TRPC5: variants seen among roughly 807,000 people sequenced by gnomAD.
The protein encoded by TRPC5 is short transient receptor potential channel 5.
In TRPC5, 9 loss-of-function variants were observed where a neutral mutation model predicts 56.5. That is an observed-to-expected ratio of 0.16 (90% confidence interval 0.10 to 0.28). The LOEUF is 0.28. TRPC5 is among the 10% of genes least tolerant of loss of function. The pLI is 1.00. For missense variants in TRPC5, 469 were observed against 748.9 expected, an observed-to-expected ratio of 0.63 and a Z score of 4.36; for synonymous variants, 282 against 278.5, an observed-to-expected ratio of 1.01 and a Z score of -0.13.
At chrX:112,023,254 T>G (rs940205441) in intron 1 of TRPC5, among the ~76,000 whole-genome samples, 4 of 84,286 alleles carry the variant, frequency 4.7e-5, no homozygotes, top group African/African-American at 1.0e-4. Context: ...TTGTTTTTTT[T>G]TTTTTTTTTT....
intron 3 of TRPC5, among the ~76,000 whole-genome samples, chrX:111,873,312 A>G (rs770889923): frequency 9.0e-6 from 1 of 111,624 alleles, no homozygotes; most frequent in African/African-American, 3.3e-5. Context: ...ATACACATTA[A>G]TGTAAAGATG....
intron 2 of TRPC5, among the ~76,000 whole-genome samples, chrX:111,928,546 A>G (rs1196231751): frequency 1.8e-5 from 2 of 111,997 alleles, no homozygotes; most frequent in Non-Finnish European, 3.8e-5. Context: ...TGCATTGTCA[A>G]TAGTGCAGTC....
chrX:111,874,631 A>G (rs1416047182), intron 3 of TRPC5, among the ~76,000 whole-genome samples: 1 of 111,872 alleles, frequency 8.9e-6, no homozygotes, highest in East Asian at 2.8e-4. Flanking sequence ...CTACCGCTGA[A>G]GAAACTGAGA....
chrX:111,886,694 G>T (rs1002193234), intron 3 of TRPC5, among the ~76,000 whole-genome samples: 7 of 111,892 alleles, frequency 6.3e-5, no homozygotes, highest in African/African-American at 2.3e-4. Flanking sequence ...GGAGGCCAAA[G>T]AAAGAGATCA....
At chrX:111,963,790 A>G (rs1927468609) in intron 1 of TRPC5, among the ~76,000 whole-genome samples, 1 of 112,080 alleles carries the variant, frequency 8.9e-6, no homozygotes, top group East Asian at 2.8e-4. Flanking sequence ...AAACTAACAA[A>G]CAGAAAGGAC....
chrX:111,789,904 A>G (rs1196358306), intron 7 of TRPC5, among the ~76,000 whole-genome samples: 2 of 112,242 alleles, frequency 1.8e-5, no homozygotes, highest in South Asian at 7.4e-4. Context: ...AAAAGTCAGG[A>G]AACAGTAGAT....
intron 1 of TRPC5, among the ~76,000 whole-genome samples, chrX:112,055,250 A>C (rs1384242227): frequency 8.9e-6 from 1 of 112,296 alleles, no homozygotes; most frequent in Admixed American, 9.5e-5. Context: ...GAAATGGCAG[A>C]GCTAATGCCA....
chrX:112,024,978 A>G (rs1447341465), intron 1 of TRPC5, among the ~76,000 whole-genome samples: 1 of 112,439 alleles, frequency 8.9e-6, no homozygotes, highest in East Asian at 2.8e-4. Flanking sequence ...CTAGTATGCA[A>G]TAATATCAAC....
At chrX:112,040,894 T>A (rs1310159356) in intron 1 of TRPC5, among the ~76,000 whole-genome samples, 1 of 112,217 alleles carries the variant, frequency 8.9e-6, no homozygotes, top group African/African-American at 3.2e-5. Flanking sequence ...GATAGAAGAA[T>A]GGAGCAGTGA....
intron 1 of TRPC5, among the ~76,000 whole-genome samples, chrX:111,976,757 A>C (rs1176767281): frequency 9.0e-6 from 1 of 111,469 alleles, no homozygotes; most frequent in Non-Finnish European, 1.9e-5. Flanking sequence ...CACACAAAAA[A>C]CTGTTAGCAC....
intron 3 of TRPC5, among the ~76,000 whole-genome samples, chrX:111,908,246 A>G (rs1265995093): frequency 9.0e-6 from 1 of 111,730 alleles, no homozygotes. Flanking sequence ...GAGTTTGATG[A>G]GTATAAATTA....
At chrX:111,783,921 A>C (rs1327949904) in intron 7 of TRPC5, among the ~76,000 whole-genome samples, 1 of 111,879 alleles carries the variant, frequency 8.9e-6, no homozygotes, top group Non-Finnish European at 1.9e-5. Flanking sequence ...CTTTAGTTCT[A>C]TGATCCATTT....
intron 1 of TRPC5, among the ~76,000 whole-genome samples, chrX:112,051,035 T>C (rs7891814): frequency 0.078 from 8,820 of 112,580 alleles, 327 homozygotes; most frequent in African/African-American, 0.14. Context: ...CCCTGCTCTG[T>C]GCTTTGAGAA....
chrX:111,808,627 G>T (rs1456974222), intron 7 of TRPC5, among the ~76,000 whole-genome samples: 1 of 110,017 alleles, frequency 9.1e-6, no homozygotes, highest in Non-Finnish European at 1.9e-5. Flanking sequence ...AGACTGCTTG[G>T]TGCTCTACTC....
intron 3 of TRPC5, among the ~76,000 whole-genome samples, chrX:111,900,005 C>CA (rs1213167843): frequency 7.2e-4 from 74 of 102,747 alleles, no homozygotes; most frequent in African/African-American, 2.3e-3. Flanking sequence ...GGATTTTGGA[C>CA]AAAAAAAAAA....
intron 2 of TRPC5, among the ~76,000 whole-genome samples, chrX:111,950,104 C>G (rs1002753002): frequency 1.8e-5 from 2 of 111,319 alleles, no homozygotes; most frequent in Non-Finnish European, 3.8e-5. Flanking sequence ...GTGGGCAGAT[C>G]ACGAGGTCAG....
At chrX:111,883,324 G>A (rs1924321809) in intron 3 of TRPC5, among the ~76,000 whole-genome samples, 1 of 112,255 alleles carries the variant, frequency 8.9e-6, no homozygotes, top group Admixed American at 9.4e-5. Flanking sequence ...GACCTATTCA[G>A]GGCCAATGCC....
At chrX:111,828,350 G>A (rs1189535993) in intron 7 of TRPC5, among the ~76,000 whole-genome samples, 5 of 111,473 alleles carry the variant, frequency 4.5e-5, no homozygotes, top group African/African-American at 1.3e-4. Flanking sequence ...TAGTGAATGA[G>A]TTCTCATGAG....
At chrX:111,921,370 G>T (rs1926121968) in intron 2 of TRPC5, among the ~76,000 whole-genome samples, 1 of 111,222 alleles carries the variant, frequency 9.0e-6, no homozygotes, top group Non-Finnish European at 1.9e-5. Context: ...CTACCTACTG[G>T]TTCCCTCATT....
Sources: allele counts gnomAD v4.1 joint callset (sites outside exome capture counted in the v4.1 genomes callset), GRCh38; gene constraint gnomAD v4.1.1; transcripts MANE v1.5; gene names NCBI Gene and HGNC (gene_info 2026-07-23, HGNC 2026-07-21).